RXRA: variants seen among roughly 807,000 people sequenced by gnomAD.
The protein encoded by RXRA is retinoic acid receptor RXR-alpha.
RXRA carries 5 observed loss-of-function variants against 44.5 expected under a neutral mutation model. The ratio of observed to expected loss-of-function variants is 0.11; its 90% confidence interval spans 0.06 to 0.24. The LOEUF is 0.24. RXRA is among the 10% of genes least tolerant of loss of function. RXRA has a pLI of 1.00. For synonymous variants in RXRA, 291 were observed against 271.4 expected (o/e 1.07, Z -0.71); for missense variants, 412 against 646.5 (o/e 0.64, Z 3.93).
intron 4 of RXRA, among the ~76,000 whole-genome samples, chr9:134,412,965 C>T (rs1253198745): frequency 6.6e-6 from 1 of 152,248 alleles, no homozygotes; most frequent in Non-Finnish European, 1.5e-5. Flanking sequence ...GGTGTGGAAA[C>T]AGCAGGGTCT....
intron 4 of RXRA, among the ~76,000 whole-genome samples, chr9:134,412,819 C>T (rs770739861): frequency 1.3e-5 from 2 of 152,118 alleles, no homozygotes; most frequent in South Asian, 2.1e-4. Flanking sequence ...CCAGGGTCGT[C>T]GGGGGAGACA....
chr9:134,417,355 C>T lies in RXRA; in HGVS notation c.780+28C>T, dbSNP rs774691587. On this transcript the variant is annotated intron_variant, in intron 5 of 9. Coordinates refer to ENST00000481739, the MANE Select transcript of RXRA (RefSeq NM_002957.6). This position sits in a 1 kb window ranked among gnomAD's most constrained non-coding sequence, Gnocchi z 6.1. ...GAGTTGCAGCCTGTGCAGGGGTGGG[C>T]AGCCTCACATGCCTCAGTTTCCCTC... The T allele has an allele frequency of 8.7e-6, 14 of 1,605,872 alleles. No individual in the cohort carries two copies. In the African/African-American group the frequency reaches 1.9e-4, roughly 21 times the overall value.
intron 1 of RXRA, among the ~76,000 whole-genome samples, chr9:134,376,855 G>T (rs962173736): frequency 6.6e-6 from 1 of 152,246 alleles, no homozygotes; most frequent in Non-Finnish European, 1.5e-5. Flanking sequence ...GAGGGAAGGG[G>T]CATGGTGAGG....
intron 1 of RXRA, among the ~76,000 whole-genome samples, chr9:134,394,227 GTGA>G (rs1830844045): frequency 7.3e-6 from 1 of 137,788 alleles, no homozygotes; most frequent in Non-Finnish European, 1.5e-5. Flanking sequence ...GGTGATCATA[GTGA>G]TGGTGGTGGT....
intron 1 of RXRA, among the ~76,000 whole-genome samples, chr9:134,335,384 G>T (rs1300460320): frequency 2.6e-5 from 4 of 152,200 alleles, no homozygotes; most frequent in Non-Finnish European, 5.9e-5. Flanking sequence ...GAGTTTGTTG[G>T]GTGGGAAGTG....
At chr9:134,369,506 G>A (rs1237931976) in intron 1 of RXRA, among the ~76,000 whole-genome samples, 1 of 122,148 alleles carries the variant, frequency 8.2e-6, no homozygotes, top group South Asian at 3.1e-4. Context: ...GAGTGCGGGG[G>A]TTGTCTGCGT....
At chr9:134,327,401 G>A (rs1312351329) in intron 1 of RXRA, among the ~76,000 whole-genome samples, 3 of 152,072 alleles carry the variant, frequency 2.0e-5, no homozygotes, top group Non-Finnish European at 4.4e-5. Flanking sequence ...CAGACTGCCC[G>A]CCAACTCCAG....
intron 1 of RXRA, chr9:134,379,770 A>G: frequency 1.0e-6 from 1 of 984,854 alleles, no homozygotes; most frequent in Non-Finnish European, 1.2e-6. Flanking sequence ...GTCTGTAGGG[A>G]CCTGGGCCCA....
intron 1 of RXRA, among the ~76,000 whole-genome samples, chr9:134,376,459 T>C (rs1351547935): frequency 6.6e-6 from 1 of 152,180 alleles, no homozygotes; most frequent in East Asian, 1.9e-4. Context: ...TGCTGCCCTG[T>C]CCTACCGTTT....
chr9:134,358,799 G>A (rs1370690865), intron 1 of RXRA, among the ~76,000 whole-genome samples: 2 of 152,220 alleles, frequency 1.3e-5, no homozygotes, highest in African/African-American at 4.8e-5. Flanking sequence ...GGGAACGTTG[G>A]CAGGTCTGAG....
chr9:134,364,290 C>T (rs529336427), intron 1 of RXRA, among the ~76,000 whole-genome samples: 1 of 152,364 alleles, frequency 6.6e-6, no homozygotes, highest in African/African-American at 2.4e-5. Context: ...GTCTGGCAAA[C>T]GCCCACTGCG....
At chr9:134,380,245 G>T in intron 1 of RXRA, 1 of 959,212 alleles carries the variant, frequency 1.0e-6, no homozygotes, top group South Asian at 4.8e-5. Context: ...TCCCAGGATG[G>T]GAGTGGGGGT....
rs56787611 is a variant in RXRA, at chr9:134,349,174, G to T, written c.28+22515G>T. ...TGCCTCATGAGGGCCTGCACAGAGG[G>T]TCTTGCAGAAGAAGGGTCTGGCTGG... On this transcript the variant is annotated intron_variant, in intron 1 of 9. Transcript: ENST00000481739. This position sits in a 1 kb window ranked among gnomAD's most constrained non-coding sequence, Gnocchi z 4.3. Among the ~76,000 whole-genome samples, 33,835 of 152,064 alleles carry T rather than the reference G, an allele frequency of 0.22. 3,845 individuals carry two copies. The highest frequency in any genetic ancestry group is 0.25 in the African/African-American group (10,564 of 41,442).
intron 5 of RXRA, 64 bp from the exon 6 acceptor site, chr9:134,421,612 G>A: frequency 6.6e-7 from 1 of 1,510,704 alleles, no homozygotes; most frequent in South Asian, 1.3e-5. Flanking sequence ...CCTGGTCTGG[G>A]CTGTGTTTGG....
At chr9:134,415,555 C>T (rs1831220153) in intron 4 of RXRA, among the ~76,000 whole-genome samples, 1 of 152,032 alleles carries the variant, frequency 6.6e-6, no homozygotes, top group Admixed American at 6.5e-5. Context: ...TCGAGACATC[C>T]TAGAGGGGCT....
chr9:134,414,758 TG>T (rs780681483), intron 4 of RXRA, among the ~76,000 whole-genome samples: 5 of 152,218 alleles, frequency 3.3e-5, no homozygotes, highest in East Asian at 1.9e-4. Context: ...CTCAGGGACC[TG>T]GGCCAGTGGA....
At chr9:134,348,884 A>G (rs1830187253) in intron 1 of RXRA, among the ~76,000 whole-genome samples, 1 of 152,078 alleles carries the variant, frequency 6.6e-6, no homozygotes, top group South Asian at 2.1e-4. Context: ...GTGGCTTTGA[A>G]ACACCCACGA....
At chr9:134,395,722 C>A (rs1830867799) in intron 1 of RXRA, among the ~76,000 whole-genome samples, 1 of 152,248 alleles carries the variant, frequency 6.6e-6, no homozygotes, top group Non-Finnish European at 1.5e-5. Flanking sequence ...TCAGGGAGCT[C>A]CATCATCCGA....
intron 1 of RXRA, chr9:134,379,384 G>C: frequency 1.0e-6 from 1 of 987,564 alleles, no homozygotes; most frequent in Non-Finnish European, 1.2e-6. Flanking sequence ...CCTGTGGTGA[G>C]CTGCTTCTGG....
Sources: gnomAD v4.1 joint callset for allele counts (sites outside exome capture counted in the v4.1 genomes callset) on GRCh38, gnomAD v4.1.1 for gene constraint, Gnocchi (gnomAD v3.1) non-coding constraint, MANE v1.5 for transcripts, NCBI Gene and HGNC (gene_info 2026-07-23, HGNC 2026-07-21) for gene names.